The following GPAT3 variants were observed in gnomAD, a reference collection of about 807,000 sequenced individuals.
GPAT3 encodes glycerol-3-phosphate acyltransferase 3.
GPAT3 carries 53 observed loss-of-function variants against 58.8 expected under a neutral mutation model. That is an observed-to-expected ratio of 0.90 (90% CI 0.72 to 1.13). The LOEUF (loss-of-function observed/expected upper bound fraction) is 1.13. GPAT3 is among the 50% of genes most tolerant of loss of function. The pLI, the probability that GPAT3 is intolerant of heterozygous loss-of-function variation, is 0.00. For missense variants in GPAT3, 511 were observed against 527.6 expected (o/e 0.97, Z 0.31); for synonymous variants, 197 against 187.4 (o/e 1.05, Z -0.42).
chr4:83,604,056 A>G (rs1013270256), intron 11 of GPAT3, among the ~76,000 whole-genome samples: 2 of 151,938 alleles, frequency 1.3e-5, no homozygotes, highest in African/African-American at 4.8e-5. Flanking sequence ...CCTTGTTTCA[A>G]TCCAGTTTTT....
At position 83,595,038 on chromosome 4, in the gene GPAT3, C is replaced by T. The variant is rs577718010; in HGVS notation, c.854+78C>T. 73 of 1,248,224 alleles carry T rather than the reference C, an allele frequency of 5.8e-5. No homozygotes were observed. The East Asian group carries it at 1.2e-3, about 21-fold the overall frequency. The allele number at this position is 1,248,224 out of a possible 1,614,324, so 77.3% of individuals were successfully genotyped here. A position where few individuals can be genotyped will look rare whatever the true frequency, so the allele number is the denominator to read the frequency against. On this transcript the variant is annotated intron_variant, in intron 7 of 11. Transcript: ENST00000264409. ...TCTTGGCCTTGCTACCAAAGAGGGC[C>T]GAGCAGCACTGAGTCTCAAAACTGA...
chr4:83,547,454 G>T (rs369679882), intron 2 of GPAT3, among the ~76,000 whole-genome samples: 7 of 151,600 alleles, frequency 4.6e-5, no homozygotes, highest in African/African-American at 1.5e-4. Context: ...GGGTTTCACC[G>T]TGTTAGCCAG....
Position 83,597,517 on chromosome 4 carries a change from TA to T in GPAT3, c.996+6del. ...ACCATACATCCAGTTGCAATTAAGGTAAAACAGATACCATAATAAGAATAAT... is the reference window on the plus strand; with the variant it reads ...ACCATACATCCAGTTGCAATTAAGGTAAACAGATACCATAATAAGAATAAT... On this transcript the variant is annotated splice_donor_region_variant and intron_variant, in intron 9 of 11. Coordinates refer to ENST00000264409, the MANE Select transcript of GPAT3 (RefSeq NM_032717.5). The T allele has an allele frequency of 6.7e-7, 1 of 1,502,976 alleles. No individual in the cohort carries two copies. Among genetic ancestry groups the T allele is most frequent in the Non-Finnish European group, 9.0e-7 (1 of 1,105,150 alleles). The allele number at this position is 1,502,976 out of a possible 1,614,324, so 93.1% of individuals were successfully genotyped here. A position where few individuals can be genotyped will look rare whatever the true frequency, so the allele number is the denominator to read the frequency against.
intron 4 of GPAT3, among the ~76,000 whole-genome samples, chr4:83,587,894 A>G (rs1376385010): frequency 6.6e-6 from 1 of 152,204 alleles, no homozygotes; most frequent in East Asian, 1.9e-4. Flanking sequence ...AGAGTCTTAT[A>G]TATTGGCAAG....
At position 83,604,698 on chromosome 4, in the gene GPAT3, G is replaced by A; in HGVS notation, c.1236G>A (p.Lys412=). Residue 412 remains lysine, a synonymous_variant, in exon 12 of 12, where the codon AAG becomes AAA. Transcript: ENST00000264409. ...WDGGLKRAKV[K]DIFKEEQQKN... ...GAGGACTAAAGAGAGCAAAGGTGAA[G>A]GACATCTTTAAGGAAGAGCAGCAGA... The A allele has an allele frequency of 6.2e-7, 1 of 1,613,946 alleles. No individual in the cohort carries two copies. The highest frequency in any genetic ancestry group is 8.5e-7 in the Non-Finnish European group (1 of 1,179,936).
At chr4:83,560,497 G>A (rs1725091610) in intron 2 of GPAT3, among the ~76,000 whole-genome samples, 3 of 152,096 alleles carry the variant, frequency 2.0e-5, no homozygotes, top group Admixed American at 2.0e-4. Context: ...AAATAAGAGT[G>A]ACTCTGAAGC....
chr4:83,561,154 G>T (rs2110081642), intron 2 of GPAT3, among the ~76,000 whole-genome samples: 1 of 152,286 alleles, frequency 6.6e-6, no homozygotes, highest in Middle Eastern at 3.4e-3. Flanking sequence ...AATGGGGGAT[G>T]ATTTCTAACA....
intron 2 of GPAT3, among the ~76,000 whole-genome samples, chr4:83,569,406 G>C (rs1725520846): frequency 6.6e-6 from 1 of 152,192 alleles, no homozygotes; most frequent in Non-Finnish European, 1.5e-5. Flanking sequence ...AAAAAAGAGA[G>C]ACCATTTTCT....
intron 11 of GPAT3, among the ~76,000 whole-genome samples, chr4:83,599,731 A>G (rs1324687022): frequency 1.3e-5 from 2 of 152,198 alleles, no homozygotes; most frequent in Admixed American, 6.5e-5. Flanking sequence ...GGAAGATTGA[A>G]TATAGGTGAA....
chr4:83,601,470 G>A (rs1383580230), intron 11 of GPAT3, among the ~76,000 whole-genome samples: 2 of 152,120 alleles, frequency 1.3e-5, no homozygotes, highest in African/African-American at 4.8e-5. Flanking sequence ...TGTTATGCAA[G>A]GACCTGGTGC....
chr4:83,568,156 T>C (rs1298045391), intron 2 of GPAT3, among the ~76,000 whole-genome samples: 1 of 152,158 alleles, frequency 6.6e-6, no homozygotes, highest in Non-Finnish European at 1.5e-5. Flanking sequence ...TTACCCTGTT[T>C]CACATTAAAA....
intron 2 of GPAT3, among the ~76,000 whole-genome samples, chr4:83,569,239 T>G (rs1725514593): frequency 6.6e-6 from 1 of 152,186 alleles, no homozygotes; most frequent in Non-Finnish European, 1.5e-5. Context: ...CATGCAAAAG[T>G]AAGTACAGGA....
At chr4:83,550,380 A>G (rs1028364496) in intron 2 of GPAT3, among the ~76,000 whole-genome samples, 1 of 151,998 alleles carries the variant, frequency 6.6e-6, no homozygotes, top group Non-Finnish European at 1.5e-5. Flanking sequence ...GCATTAGTCT[A>G]TCCCTATTTG....
At chr4:83,598,818 G>C in intron 11 of GPAT3, 95 bp downstream of exon 11, 1 of 837,182 alleles carries the variant, frequency 1.2e-6, no homozygotes, top group Non-Finnish European at 1.8e-6. Context: ...ACCCAGGCTG[G>C]AGTGCAGTAG....
At chr4:83,578,156 A>C (rs1725889500) in intron 2 of GPAT3, among the ~76,000 whole-genome samples, 1 of 152,152 alleles carries the variant, frequency 6.6e-6, no homozygotes, top group African/African-American at 2.4e-5. Context: ...ACATGTTTTC[A>C]AATGTTTCAT....
intron 11 of GPAT3, among the ~76,000 whole-genome samples, chr4:83,600,399 C>A (rs1727013619): frequency 6.6e-6 from 1 of 152,100 alleles, no homozygotes; most frequent in African/African-American, 2.4e-5. Flanking sequence ...CCAAATAGCA[C>A]CATATTGGTA....
chr4:83,535,930 C>G (rs1371473067), upstream of GPAT3: 2 of 985,554 alleles, frequency 2.0e-6, no homozygotes, highest in Non-Finnish European at 1.2e-6. Context: ...AAACTCTCCT[C>G]CTGAAAGGAC....
At chr4:83,558,213 T>C (rs12331198) in intron 2 of GPAT3, among the ~76,000 whole-genome samples, 39,760 of 145,980 alleles carry the variant, frequency 0.27, 5,600 homozygotes, top group African/African-American at 0.37. Context: ...GCCTCTGTCT[T>C]AAAAAAAAAA....
chr4:83,587,450 G>T (rs908818942), intron 4 of GPAT3, 121 bp downstream of exon 4: 2 of 936,984 alleles, frequency 2.1e-6, no homozygotes, highest in Non-Finnish European at 3.2e-6. Flanking sequence ...TTTTTGAGAC[G>T]GAGTCTCGTA....
Sources: allele counts gnomAD v4.1 joint callset (sites outside exome capture counted in the v4.1 genomes callset), GRCh38; gene constraint gnomAD v4.1.1; transcripts MANE v1.5; gene names NCBI Gene and HGNC (gene_info 2026-07-23, HGNC 2026-07-21).